SLC17A1: variants seen among roughly 807,000 people sequenced by gnomAD.
SLC17A1 encodes the protein solute carrier family 17 member 1.
A neutral mutation model predicts 53.5 loss-of-function variants in SLC17A1; 51 were observed. The ratio of observed to expected loss-of-function variants is 0.95; its 90% CI spans 0.76 to 1.20. SLC17A1 has a LOEUF of 1.20. SLC17A1 is among the 50% of genes most tolerant of loss of function. The probability of loss-of-function intolerance (pLI) is 0.00; values close to 1 mark genes in which losing one functional copy is unlikely to be tolerated. For synonymous variants in SLC17A1, 179 were observed against 198.8 expected (o/e 0.90, Z 0.84); for missense variants, 538 against 568.2 (o/e 0.95, Z 0.54).
chr6:25,802,674 A>C (rs1267081618), intron 10 of SLC17A1, among the ~76,000 whole-genome samples: 1 of 151,906 alleles, frequency 6.6e-6, no homozygotes, highest in Non-Finnish European at 1.5e-5. Context: ...TGCATTTTAG[A>C]GATATCAATT....
intron 6 of SLC17A1, among the ~76,000 whole-genome samples, chr6:25,816,758 A>G (rs1284837093): frequency 6.6e-6 from 1 of 152,250 alleles, no homozygotes; most frequent in Non-Finnish European, 1.5e-5. Context: ...GAGACAGAAG[A>G]CAGGGAAAGG....
intron 12 of SLC17A1, among the ~76,000 whole-genome samples, chr6:25,796,089 C>T (rs984229749): frequency 6.6e-6 from 1 of 152,020 alleles, no homozygotes; most frequent in African/African-American, 2.4e-5. Context: ...CCACTCTGTG[C>T]CTTGGAAATA....
At chr6:25,735,253 T>C in the SLC17A1 span, among the ~76,000 whole-genome samples, 1 of 152,228 alleles carries the variant, frequency 6.6e-6, no homozygotes, top group Non-Finnish European at 1.5e-5. Context: ...AATATTCTAC[T>C]GTAATTATAC....
At chr6:25,804,438 C>A (rs1050436571) in intron 10 of SLC17A1, among the ~76,000 whole-genome samples, 1 of 152,012 alleles carries the variant, frequency 6.6e-6, no homozygotes, top group African/African-American at 2.4e-5. Context: ...AATAGAATCT[C>A]TTTACAGCAT....
At chr6:25,762,179 A>T in the SLC17A1 span, 1 of 704,318 alleles carries the variant, frequency 1.4e-6, no homozygotes, top group African/African-American at 1.8e-5. Context: ...CCTTGCTACC[A>T]CCAATTGCCA....
the SLC17A1 span, chr6:25,770,380 C>A: frequency 6.2e-7 from 1 of 1,614,022 alleles, no homozygotes; most frequent in Non-Finnish European, 8.5e-7. Flanking sequence ...ATTTTTCCCC[C>A]CAGGTTATGG....
the SLC17A1 span, chr6:25,762,188 C>T: frequency 1.5e-6 from 1 of 677,278 alleles, no homozygotes; most frequent in Non-Finnish European, 2.5e-6. Flanking sequence ...CACCAATTGC[C>T]AATAATTCTA....
At chr6:25,799,665 A>G (rs1554129206) in intron 11 of SLC17A1, among the ~76,000 whole-genome samples, 1 of 152,194 alleles carries the variant, frequency 6.6e-6, no homozygotes, top group Non-Finnish European at 1.5e-5. Flanking sequence ...GCAGATGAGA[A>G]CTGTCTAAGT....
At chr6:25,744,700 A>G in the SLC17A1 span, among the ~76,000 whole-genome samples, 1 of 152,308 alleles carries the variant, frequency 6.6e-6, no homozygotes, top group African/African-American at 2.4e-5. Context: ...TCTGCATTCA[A>G]TAATGTGTGG....
chr6:25,726,070 C>G, the SLC17A1 span: 2 of 1,424,662 alleles, frequency 1.4e-6, no homozygotes, highest in South Asian at 3.0e-5. Context: ...CGGTAGGTGG[C>G]TCTGAAAAGA....
At chr6:25,813,259 G>C in intron 6 of SLC17A1, 46 bp from the exon 7 acceptor site, 1 of 1,458,412 alleles carries the variant, frequency 6.9e-7, no homozygotes. Context: ...TGTTTGTAGT[G>C]GATCTCTTTC....
chr6:25,737,573 G>T, the SLC17A1 span, among the ~76,000 whole-genome samples: 1 of 151,774 alleles, frequency 6.6e-6, no homozygotes, highest in Non-Finnish European at 1.5e-5. Flanking sequence ...TGATAAATTG[G>T]CTTTATCTGG....
chr6:25,797,180 C>A (rs1056032789), intron 12 of SLC17A1, among the ~76,000 whole-genome samples: 4 of 152,222 alleles, frequency 2.6e-5, no homozygotes, highest in African/African-American at 9.6e-5. Flanking sequence ...GGTTTTACAT[C>A]CCTTTACAGC....
the SLC17A1 span, among the ~76,000 whole-genome samples, chr6:25,766,688 C>T: frequency 1.3e-5 from 2 of 152,076 alleles, no homozygotes; most frequent in African/African-American, 2.4e-5. Flanking sequence ...ACACATAATC[C>T]CAGTCTAATC....
the SLC17A1 span, among the ~76,000 whole-genome samples, chr6:25,761,471 T>C: frequency 6.6e-6 from 1 of 152,214 alleles, no homozygotes; most frequent in Non-Finnish European, 1.5e-5. Context: ...TCGGTGGAGA[T>C]ATCTCTTACT....
Position 25,826,622 on chromosome 6 carries a change from A to G in SLC17A1, c.46T>C (p.Cys16Arg). The G allele has an allele frequency of 6.4e-7, 1 of 1,570,106 alleles. No homozygotes were observed. Among genetic ancestry groups the G allele is most frequent in the East Asian group, 2.3e-5 (1 of 43,128 alleles). The change falls in exon 3 of 13, where the codon TGT becomes CGT. Residue 16 changes from cysteine to arginine, a missense_variant. Physicochemically the swap from Cys to Arg is radical, Grantham distance 180. Transcript: ENST00000244527. ...AAAGACAATCCATAGCGAAAGGAACAGAAACCTGGAACTACAAAGTAAAAC... is the reference window on the plus strand; with the variant it reads ...AAAGACAATCCATAGCGAAAGGAACGGAAACCTGGAACTACAAAGTAAAAC... Reference protein sequence around the residue: ...RLPPKKVPGFCSFRYGLSFLV... With the variant: ...RLPPKKVPGFRSFRYGLSFLV...
At chr6:25,789,536 C>T (rs530522259) in intron 12 of SLC17A1, among the ~76,000 whole-genome samples, 4 of 152,210 alleles carry the variant, frequency 2.6e-5, no homozygotes, top group African/African-American at 9.6e-5. Flanking sequence ...TGATAGGCCC[C>T]ACCTTAATCA....
At chr6:25,760,362 T>C in the SLC17A1 span, among the ~76,000 whole-genome samples, 1 of 152,216 alleles carries the variant, frequency 6.6e-6, no homozygotes, top group Non-Finnish European at 1.5e-5. Flanking sequence ...TCTCCCCTTC[T>C]GTAAGTGATC....
chr6:25,775,157 CCT>C, the SLC17A1 span, among the ~76,000 whole-genome samples: 2 of 151,836 alleles, frequency 1.3e-5, no homozygotes, highest in South Asian at 4.2e-4. Flanking sequence ...TGGTGAACCC[CCT>C]GTCTCTACTA....
Sources: gnomAD v4.1 joint callset for allele counts (sites outside exome capture counted in the v4.1 genomes callset) on GRCh38, gnomAD v4.1.1 for gene constraint, MANE v1.5 for transcripts, NCBI Gene and HGNC (gene_info 2026-07-23, HGNC 2026-07-21) for gene names.